The following GUCY1A2 variants were observed in gnomAD, a reference collection of about 807,000 sequenced individuals.
GUCY1A2 encodes guanylate cyclase soluble subunit alpha-2.
In GUCY1A2, 27 loss-of-function variants were observed where a neutral mutation model predicts 63.5. The ratio of observed to expected loss-of-function variants is 0.43; its 90% confidence interval spans 0.31 to 0.59. The LOEUF (loss-of-function observed/expected upper bound fraction) is 0.59, where lower values mean the gene tolerates loss of function less well. Ranked by LOEUF, GUCY1A2 falls within the 20% of genes least tolerant of loss-of-function variation. The pLI, the probability that GUCY1A2 is intolerant of heterozygous loss-of-function variation, is 0.11. For synonymous variants in GUCY1A2, 364 were observed against 343.5 expected (o/e 1.06, Z -0.66); for missense variants, 768 against 913.3 (o/e 0.84, Z 2.05).
At chr11:106,912,277 C>T (rs1860305630) in intron 4 of GUCY1A2, among the ~76,000 whole-genome samples, 1 of 151,944 alleles carries the variant, frequency 6.6e-6, no homozygotes, top group Non-Finnish European at 1.5e-5. Flanking sequence ...ATACAATACA[C>T]ATTACAACTT....
At chr11:106,722,403 GA>G (rs967638317) in intron 6 of GUCY1A2, among the ~76,000 whole-genome samples, 43 of 150,268 alleles carry the variant, frequency 2.9e-4, no homozygotes, top group Non-Finnish European at 5.8e-4. Context: ...GCTGCAAAAA[GA>G]AAAAAAAATC....
At position 106,682,586 on chromosome 11, in the gene GUCY1A2, G is replaced by T; in HGVS notation, c.*4963C>A. 4.7e-6 allele frequency: 1 copy of T among 212,184 alleles called. No individual in the cohort carries two copies. Among genetic ancestry groups the T allele is most frequent in the East Asian group, 7.1e-5 (1 of 14,160 alleles). The allele number at this position is 212,184 out of a possible 1,614,324, so 13.1% of individuals were successfully genotyped here. A position where few individuals can be genotyped will look rare whatever the true frequency, so the allele number is the denominator to read the frequency against. On this transcript the variant is annotated 3_prime_UTR_variant, in exon 8 of 8. Coordinates refer to ENST00000526355, the MANE Select transcript of GUCY1A2 (RefSeq NM_000855.3). ...GGTACTTAACTGAAACCGTGATCTG[G>T]TTATAACATATTAGAAATAAAGACA...
At chr11:106,693,260 T>C (rs11211864) in intron 7 of GUCY1A2, among the ~76,000 whole-genome samples, 14,217 of 152,240 alleles carry the variant, frequency 0.093, 892 homozygotes, top group Non-Finnish European at 0.14. Context: ...TCTCTCAACT[T>C]GATTGGTTTA....
intron 7 of GUCY1A2, among the ~76,000 whole-genome samples, chr11:106,698,051 C>T (rs1862749668): frequency 6.7e-6 from 1 of 150,118 alleles, no homozygotes; most frequent in Non-Finnish European, 1.5e-5. Context: ...CAGTGGGTCT[C>T]TAATAATATA....
intron 3 of GUCY1A2, among the ~76,000 whole-genome samples, chr11:106,971,641 T>C (rs977269545): frequency 4.6e-5 from 7 of 152,256 alleles, no homozygotes; most frequent in Admixed American, 2.0e-4. Context: ...ACATCAGTAT[T>C]AACTCATATT....
chr11:106,876,091 C>T (rs1332738973), intron 4 of GUCY1A2, among the ~76,000 whole-genome samples: 1 of 151,932 alleles, frequency 6.6e-6, no homozygotes, highest in Admixed American at 6.6e-5. Context: ...TCAGTATCTT[C>T]CCCCTTGGAA....
intron 4 of GUCY1A2, among the ~76,000 whole-genome samples, chr11:106,897,894 A>G (rs1860073927): frequency 6.6e-6 from 1 of 152,162 alleles, no homozygotes; most frequent in African/African-American, 2.4e-5. Context: ...TCCACAGAAA[A>G]CAATATAAAG....
At chr11:106,947,175 C>T (rs1860840958) in intron 3 of GUCY1A2, among the ~76,000 whole-genome samples, 1 of 150,648 alleles carries the variant, frequency 6.6e-6, no homozygotes, top group South Asian at 2.1e-4. Flanking sequence ...CAAGATCGCA[C>T]CATTGCACTC....
At chr11:106,901,963 T>G (rs920200861) in intron 4 of GUCY1A2, among the ~76,000 whole-genome samples, 2 of 152,146 alleles carry the variant, frequency 1.3e-5, no homozygotes, top group African/African-American at 4.8e-5. Context: ...TATTGCGGCT[T>G]TATTCCAGAA....
chr11:106,918,472 C>CA (rs1324776268), intron 4 of GUCY1A2, among the ~76,000 whole-genome samples: 2 of 145,322 alleles, frequency 1.4e-5, no homozygotes, highest in African/African-American at 4.9e-5. Context: ...CAACAGAACT[C>CA]AAATTTGTTT....
chr11:106,934,298 G>A (rs2119954838), intron 4 of GUCY1A2, among the ~76,000 whole-genome samples: 1 of 152,180 alleles, frequency 6.6e-6, no homozygotes, highest in South Asian at 2.1e-4. Context: ...CTAATGTCAG[G>A]TTGTTCATCA....
intron 4 of GUCY1A2, among the ~76,000 whole-genome samples, chr11:106,869,537 G>A (rs1401226160): frequency 6.6e-6 from 1 of 152,200 alleles, no homozygotes; most frequent in Non-Finnish European, 1.5e-5. Context: ...TCAGAGAAAT[G>A]CAAATCATAA....
At chr11:106,707,351 TA>T (rs1452202519) in intron 7 of GUCY1A2, among the ~76,000 whole-genome samples, 3 of 152,062 alleles carry the variant, frequency 2.0e-5, no homozygotes, top group Non-Finnish European at 4.4e-5. Context: ...TATTTATTAT[TA>T]TAGTCAACTT....
intron 6 of GUCY1A2, among the ~76,000 whole-genome samples, chr11:106,769,546 ATACT>A (rs1864219849): frequency 6.6e-6 from 1 of 152,198 alleles, no homozygotes; most frequent in East Asian, 1.9e-4. Context: ...CTTTAAATAA[ATACT>A]TTTTAAAAAC....
chr11:106,911,170 A>C (rs1860288746), intron 4 of GUCY1A2, among the ~76,000 whole-genome samples: 1 of 152,036 alleles, frequency 6.6e-6, no homozygotes, highest in Non-Finnish European at 1.5e-5. Flanking sequence ...CAAGCTGTAC[A>C]ATTTAATGTT....
At chr11:106,825,460 A>G (rs1443859415) in intron 4 of GUCY1A2, among the ~76,000 whole-genome samples, 2 of 151,754 alleles carry the variant, frequency 1.3e-5, no homozygotes, top group Non-Finnish European at 2.9e-5. Context: ...GCTTAAAAAA[A>G]AAATTGCAAG....
At chr11:106,998,956 T>A (rs546478846) in intron 1 of GUCY1A2, among the ~76,000 whole-genome samples, 1 of 152,174 alleles carries the variant, frequency 6.6e-6, no homozygotes, top group African/African-American at 2.4e-5. Flanking sequence ...GATCTCCAGA[T>A]GGCTGACTGA....
chr11:106,700,376 C>A (rs1862798318), intron 7 of GUCY1A2, among the ~76,000 whole-genome samples: 1 of 152,182 alleles, frequency 6.6e-6, no homozygotes, highest in South Asian at 2.1e-4. Context: ...GCATCAGATT[C>A]CTGATCCACA....
chr11:106,794,094 C>T (rs1376919801), intron 5 of GUCY1A2, among the ~76,000 whole-genome samples: 18 of 152,112 alleles, frequency 1.2e-4, no homozygotes, highest in Admixed American at 1.2e-3. Context: ...TAACATCAAC[C>T]TGTGTCTATC....
Sources: gnomAD v4.1 joint callset for allele counts (sites outside exome capture counted in the v4.1 genomes callset) on GRCh38, gnomAD v4.1.1 for gene constraint, MANE v1.5 for transcripts, NCBI Gene and HGNC (gene_info 2026-07-23, HGNC 2026-07-21) for gene names.